The following TMEM108 variants were observed in gnomAD, a reference collection of about 807,000 sequenced individuals.
The protein encoded by TMEM108 is transmembrane protein 108, also known as cancer/testis antigen 124.
TMEM108 carries 12 observed loss-of-function variants against 35.1 expected under a neutral mutation model. The observed-to-expected ratio is 0.34, with a 90% CI of 0.22 to 0.55. The LOEUF is 0.55. TMEM108 is among the 20% of genes least tolerant of loss of function. The probability of loss-of-function intolerance (pLI) is 0.89; values close to 1 mark genes in which losing one functional copy is unlikely to be tolerated. For missense variants in TMEM108, 680 were observed against 753.3 expected (o/e 0.90, Z 1.14); for synonymous variants, 287 against 308.6 (o/e 0.93, Z 0.73).
chr3:133,073,412 A>G (rs1308431203), intron 2 of TMEM108, among the ~76,000 whole-genome samples: 2 of 147,478 alleles, frequency 1.4e-5, no homozygotes, highest in African/African-American at 2.5e-5. Context: ...TTCACTTAAC[A>G]TAGTGTCTTG....
intron 3 of TMEM108, among the ~76,000 whole-genome samples, chr3:133,362,117 G>A (rs1256614165): frequency 6.6e-6 from 1 of 152,040 alleles, no homozygotes; most frequent in Non-Finnish European, 1.5e-5. Flanking sequence ...TCCTGCTGTG[G>A]GGAGATGAGG....
chr3:133,330,133 C>T (rs778772795), intron 3 of TMEM108, among the ~76,000 whole-genome samples: 4 of 152,196 alleles, frequency 2.6e-5, no homozygotes, highest in Non-Finnish European at 4.4e-5. Flanking sequence ...AGATCAGTTC[C>T]CTTGATGAAG....
intron 2 of TMEM108, among the ~76,000 whole-genome samples, chr3:133,171,739 A>C (rs138734561): frequency 5.9e-5 from 9 of 152,350 alleles, no homozygotes; most frequent in Non-Finnish European, 1.3e-4. Context: ...AGAGCATAAA[A>C]TTTACTTAAA....
chr3:133,102,617 C>T (rs1944102315), intron 2 of TMEM108, among the ~76,000 whole-genome samples: 1 of 152,220 alleles, frequency 6.6e-6, no homozygotes, highest in African/African-American at 2.4e-5. Context: ...GCTTCTGACA[C>T]AGTCTTGGCT....
intron 2 of TMEM108, among the ~76,000 whole-genome samples, chr3:133,212,999 C>T (rs1300812087): frequency 7.9e-5 from 12 of 151,948 alleles, no homozygotes; most frequent in African/African-American, 2.9e-4. Context: ...AAGAATTTGA[C>T]TAAAAATGCC....
rs151333836 is a variant in TMEM108 at position 133,056,555 on chromosome 3, G to A, written c.-47+10535G>A. On this transcript the variant is annotated intron_variant, in intron 2 of 5. Transcript: ENST00000321871. The stretch of plus-strand genomic sequence containing the variant: ...TTCTGCCTTTTCATCCCAACAGTAT[G>A]CATACGTGCTTGCTGATGAAGTTAT... Among the ~76,000 whole-genome samples, 1,245 of 152,244 alleles carry A rather than the reference G, an allele frequency of 8.2e-3. 22 individuals carry two copies. The highest frequency in any genetic ancestry group is 0.028 in the African/African-American group (1,153 of 41,526).
At chr3:133,061,041 A>G (rs747140255) in intron 2 of TMEM108, among the ~76,000 whole-genome samples, 3 of 152,200 alleles carry the variant, frequency 2.0e-5, no homozygotes, top group African/African-American at 7.2e-5. Context: ...GATCACAGAC[A>G]ACATAAATAA....
At chr3:133,253,509 T>C (rs533497245) in intron 3 of TMEM108, 6 of 152,314 alleles carry the variant, frequency 3.9e-5, no homozygotes, top group African/African-American at 1.4e-4. Flanking sequence ...ACTGGAATCA[T>C]ATAACATGGG....
At chr3:133,153,921 C>T (rs1260947576) in intron 2 of TMEM108, among the ~76,000 whole-genome samples, 1 of 151,854 alleles carries the variant, frequency 6.6e-6, no homozygotes, top group Non-Finnish European at 1.5e-5. Flanking sequence ...TTACACACAC[C>T]ATGTATTTAC....
At chr3:133,197,920 T>G (rs1381625982) in intron 2 of TMEM108, among the ~76,000 whole-genome samples, 1 of 152,206 alleles carries the variant, frequency 6.6e-6, no homozygotes, top group African/African-American at 2.4e-5. Context: ...CCTTCCATCT[T>G]TTGTCTACCA....
At chr3:133,385,537 G>A (rs934540798) in intron 4 of TMEM108, among the ~76,000 whole-genome samples, 3 of 152,196 alleles carry the variant, frequency 2.0e-5, no homozygotes, top group African/African-American at 7.2e-5. Context: ...AGCCTCCAAA[G>A]GAGGGAAATG....
At chr3:133,102,497 T>G (rs1314330052) in intron 2 of TMEM108, among the ~76,000 whole-genome samples, 1 of 152,202 alleles carries the variant, frequency 6.6e-6, no homozygotes, top group East Asian at 1.9e-4. Context: ...TACCGCCACA[T>G]GCTTTTCTCT....
chr3:133,148,185 T>A (rs2107764037), intron 2 of TMEM108, among the ~76,000 whole-genome samples: 1 of 152,270 alleles, frequency 6.6e-6, no homozygotes, highest in South Asian at 2.1e-4. Context: ...AGCCCAGGGC[T>A]CCTTGGAGAA....
intron 2 of TMEM108, among the ~76,000 whole-genome samples, chr3:133,214,969 C>T (rs897659942): frequency 3.9e-5 from 6 of 152,086 alleles, no homozygotes; most frequent in African/African-American, 9.7e-5. Context: ...TTGTCCTTCT[C>T]GAAACTGGTC....
intron 2 of TMEM108, among the ~76,000 whole-genome samples, chr3:133,071,998 A>G (rs1054863007): frequency 1.3e-5 from 2 of 152,192 alleles, no homozygotes; most frequent in Non-Finnish European, 2.9e-5. Flanking sequence ...TTTCTGGTAT[A>G]TGATGTAAGA....
At position 133,395,924 on chromosome 3, in the gene TMEM108, C is replaced by G. The variant is rs375056320; in HGVS notation, c.1666C>G (p.Leu556Val). The G allele has an allele frequency of 1.2e-6, 2 of 1,608,354 alleles. No homozygotes were observed. Among genetic ancestry groups the G allele is most frequent in the Non-Finnish European group, 1.7e-6 (2 of 1,177,612 alleles). ...NGDYRDTGMV[L>V]VNPFCQETLF... is the part of the protein sequence containing the mutation. ...CGACTATAGAGACACTGGGATGGTCCTTGTTAACCCCTTCTGTCAAGAAAC... is the reference window on the plus strand; with the variant it reads ...CGACTATAGAGACACTGGGATGGTCGTTGTTAACCCCTTCTGTCAAGAAAC... Residue 556 changes from leucine to valine, a missense_variant, in exon 6 of 6, where the codon CTT becomes GTT. Around this residue, in one of 3 missense-constraint regions of TMEM108, gnomAD observed 105 missense variants for 150.7 expected, o/e 0.70. Coordinates refer to ENST00000321871, the MANE Select transcript of TMEM108 (RefSeq NM_023943.4).
intron 3 of TMEM108, among the ~76,000 whole-genome samples, chr3:133,302,247 G>T (rs1160449887): frequency 6.6e-6 from 1 of 152,132 alleles, no homozygotes; most frequent in Non-Finnish European, 1.5e-5. Context: ...ACACATCAGT[G>T]TAACCACATG....
chr3:133,158,555 C>A (rs1257921520), intron 2 of TMEM108, among the ~76,000 whole-genome samples: 1 of 150,256 alleles, frequency 6.7e-6, no homozygotes, highest in Middle Eastern at 3.2e-3. Context: ...TCTTTCACAT[C>A]TTTGACATTT....
At chr3:133,219,725 A>G (rs574840648) in intron 2 of TMEM108, among the ~76,000 whole-genome samples, 4 of 152,228 alleles carry the variant, frequency 2.6e-5, no homozygotes, top group African/African-American at 9.6e-5. Flanking sequence ...AGACCTTCTT[A>G]AACTTAAGAC....
Sources: gnomAD v4.1 joint callset for allele counts (sites outside exome capture counted in the v4.1 genomes callset) on GRCh38, gnomAD v4.1.1 for gene constraint, gnomAD v4.1.1 regional missense constraint, MANE v1.5 for transcripts, NCBI Gene and HGNC (gene_info 2026-07-23, HGNC 2026-07-21) for gene names.